Variants in PKIB observed in about 807,000 individuals in gnomAD.
The protein encoded by PKIB is PKI-beta.
A neutral mutation model predicts 4.5 loss-of-function variants in PKIB; 2 were observed. The ratio of observed to expected loss-of-function variants is 0.44; its 90% CI spans 0.18 to 1.39. The LOEUF (loss-of-function observed/expected upper bound fraction) is 1.39. Ranked by LOEUF, PKIB falls within the 40% of genes most tolerant of loss-of-function variation. The probability of loss-of-function intolerance (pLI) is 0.27; values close to 1 mark genes in which losing one functional copy is unlikely to be tolerated. For missense variants in PKIB, 94 were observed against 92.6 expected, an observed-to-expected ratio of 1.02 and a Z score of -0.06; for synonymous variants, 38 against 36.0, an observed-to-expected ratio of 1.06 and a Z score of -0.20.
chr6:122,686,585 C>T (rs1474268488), intron 3 of PKIB, among the ~76,000 whole-genome samples: 1 of 152,028 alleles, frequency 6.6e-6, no homozygotes. Flanking sequence ...GCAGCCTTAA[C>T]TTCCTAGGCT....
intron 2 of PKIB, among the ~76,000 whole-genome samples, chr6:122,563,916 C>A (rs959788993): frequency 2.6e-5 from 4 of 152,182 alleles, no homozygotes; most frequent in African/African-American, 9.7e-5. Flanking sequence ...TCTTCCCCTG[C>A]TGGTGGAGTC....
intron 2 of PKIB, among the ~76,000 whole-genome samples, chr6:122,577,396 G>T (rs1286922509): frequency 6.6e-6 from 1 of 152,066 alleles, no homozygotes; most frequent in East Asian, 1.9e-4. Flanking sequence ...TTTTTTCTTA[G>T]AAGTTTATAG....
At chr6:122,483,250 G>A (rs916796989) in intron 2 of PKIB, 4 of 152,056 alleles carry the variant, frequency 2.6e-5, no homozygotes, top group Admixed American at 6.5e-5. Context: ...TTTGATGGAA[G>A]TAATTTAAAC....
At chr6:122,662,073 T>C (rs1318686326) in intron 2 of PKIB, among the ~76,000 whole-genome samples, 1 of 152,096 alleles carries the variant, frequency 6.6e-6, no homozygotes, top group African/African-American at 2.4e-5. Flanking sequence ...TAGTTGTAGT[T>C]CTATATATAC....
rs1180346610 is a variant in PKIB, at chr6:122,718,472, G to A, written c.169+509G>A. Among the ~76,000 whole-genome samples, 3 of 152,020 alleles carry A rather than the reference G, an allele frequency of 2.0e-5. No homozygotes were observed. In the East Asian group the frequency reaches 5.8e-4, roughly 29 times the overall value. ...ATAAAAGGTGATACTTTATATGAAA[G>A]TATAAGGATACTTTAAATAAAGTGT... On this transcript the variant is annotated intron_variant, in intron 4 of 4. Transcript: ENST00000368452.
intron 3 of PKIB, chr6:122,701,486 G>C: frequency 3.1e-6 from 5 of 1,596,306 alleles, no homozygotes; most frequent in Non-Finnish European, 4.3e-6. Flanking sequence ...GAACCTGACA[G>C]CATGTCACAC....
In PKIB at chr6:122,505,429, G is replaced by A. The variant is rs552160721; in HGVS notation, c.-248+27490G>A. On this transcript the variant is annotated intron_variant, in intron 2 of 6. Transcript: ENST00000392491. Reference sequence around the variant, plus strand: ...TTTTTTCTTTTTTAAAACTGTCATTGTTATTATGGTTTGTTTGTGGTGTCT... The same window carrying A: ...TTTTTTCTTTTTTAAAACTGTCATTATTATTATGGTTTGTTTGTGGTGTCT... 2.6e-5 allele frequency among the ~76,000 whole-genome samples: 4 copies of A among 152,170 alleles called. No individual in the cohort carries two copies. In the South Asian group the frequency reaches 8.3e-4, roughly 32 times the overall value.
chr6:122,694,600 T>G (rs1778489285), intron 3 of PKIB, among the ~76,000 whole-genome samples: 1 of 152,152 alleles, frequency 6.6e-6, no homozygotes, highest in African/African-American at 2.4e-5. Flanking sequence ...AAGTGAAAAA[T>G]CTGGTTCTTT....
At chr6:122,514,174 A>C (rs1204728559) in intron 2 of PKIB, among the ~76,000 whole-genome samples, 2 of 152,220 alleles carry the variant, frequency 1.3e-5, no homozygotes, top group African/African-American at 4.8e-5. Context: ...AATGGAGAGA[A>C]TAAGAATGCT....
chr6:122,649,084 G>A (rs1776441783), intron 2 of PKIB, among the ~76,000 whole-genome samples: 1 of 152,158 alleles, frequency 6.6e-6, no homozygotes, highest in African/African-American at 2.4e-5. Flanking sequence ...TCATCTTTTG[G>A]TGAACATTTA....
Position 122,717,237 on chromosome 6 carries a change from C to A in PKIB, c.-8-550C>A, listed in dbSNP as rs1398493495. 2.0e-5 allele frequency among the ~76,000 whole-genome samples: 3 copies of A among 152,120 alleles called. 1 individual carries two copies. The South Asian group carries it at 6.2e-4, about 32-fold the overall frequency. On this transcript the variant is annotated intron_variant, in intron 3 of 4. Coordinates refer to ENST00000368452, the MANE Select transcript of PKIB (RefSeq NM_181795.3). ...TCTTCAACCATTACCATGAGTCTAT[C>A]GAAAATTAGGTCTCAGACCAGAACA...
intron 2 of PKIB, among the ~76,000 whole-genome samples, chr6:122,562,213 G>A (rs1232747250): frequency 6.6e-6 from 1 of 151,846 alleles, no homozygotes; most frequent in Non-Finnish European, 1.5e-5. Flanking sequence ...CTTCATATAT[G>A]AAGCTTAGTT....
At chr6:122,514,206 A>G (rs995076031) in intron 2 of PKIB, among the ~76,000 whole-genome samples, 49 of 152,328 alleles carry the variant, frequency 3.2e-4, no homozygotes, top group African/African-American at 1.1e-3. Flanking sequence ...GGCTTTGGCC[A>G]TGAGTACACA....
chr6:122,560,215 C>T (rs1772973108), intron 2 of PKIB, among the ~76,000 whole-genome samples: 1 of 151,246 alleles, frequency 6.6e-6, no homozygotes, highest in Admixed American at 6.6e-5. Flanking sequence ...AGGTATGTCC[C>T]TTGTATGCTG....
rs142349763 is a variant in PKIB, at chr6:122,545,596, C to A, written c.-247-40325C>A. ...TTTCCAGTCTTCATCATTCTCCCAC[C>A]CTTCACCCACAAATAGGGCCTGGTG... On this transcript the variant is annotated intron_variant, in intron 2 of 6. Coordinates refer to the PKIB transcript ENST00000392491. 2.6e-4 allele frequency among the ~76,000 whole-genome samples: 39 copies of A among 151,122 alleles called. No homozygotes were observed. In the East Asian group the frequency reaches 7.2e-3, roughly 28 times the overall value.
chr6:122,671,365 A>G (rs976363463), intron 2 of PKIB, among the ~76,000 whole-genome samples: 1 of 142,354 alleles, frequency 7.0e-6, no homozygotes, highest in African/African-American at 2.5e-5. Context: ...AAATAGTTCA[A>G]ATGAAAGCAT....
upstream of PKIB, among the ~76,000 whole-genome samples, chr6:122,607,250 G>C (rs1357181823): frequency 6.6e-6 from 1 of 151,996 alleles, no homozygotes; most frequent in Non-Finnish European, 1.5e-5. Context: ...AAGACGGGTG[G>C]ATCGCTTGAG....
At chr6:122,579,642 G>A (rs1286222102) in intron 2 of PKIB, among the ~76,000 whole-genome samples, 1 of 152,044 alleles carries the variant, frequency 6.6e-6, no homozygotes, top group Non-Finnish European at 1.5e-5. Flanking sequence ...AATTTGAGAT[G>A]TATCAGTTCC....
upstream of PKIB, among the ~76,000 whole-genome samples, chr6:122,609,637 C>G (rs1382650453): frequency 6.6e-6 from 1 of 152,048 alleles, no homozygotes; most frequent in African/African-American, 2.4e-5. Flanking sequence ...TTCAGGAGAC[C>G]AGAGGAGATT....
Sources: allele counts gnomAD v4.1 joint callset (sites outside exome capture counted in the v4.1 genomes callset), GRCh38; gene constraint gnomAD v4.1.1; transcripts MANE v1.5; gene names NCBI Gene and HGNC (gene_info 2026-07-23, HGNC 2026-07-21).